Variants in HCK observed in about 807,000 individuals in gnomAD.
The protein encoded by HCK is tyrosine-protein kinase HCK.
A neutral mutation model predicts 70.4 loss-of-function variants in HCK; 40 were observed. The observed-to-expected ratio is 0.57, with a 90% CI of 0.44 to 0.74. HCK has a LOEUF of 0.74. HCK is among the 30% of genes least tolerant of loss of function. The pLI is 0.00. For missense variants in HCK, 568 were observed against 697.2 expected (o/e 0.81, Z 2.09); for synonymous variants, 245 against 263.2 (o/e 0.93, Z 0.67).
chr20:32,083,790 G>T, intron 6 of HCK, 104 bp from the exon 7 acceptor site: 1 of 1,383,156 alleles, frequency 7.2e-7, no homozygotes, highest in Non-Finnish European at 1.0e-6. Flanking sequence ...CTGCCCAGGT[G>T]TCAGGACGGT....
At chr20:32,075,861 T>C (rs2045616361) in intron 5 of HCK, among the ~76,000 whole-genome samples, 1 of 152,158 alleles carries the variant, frequency 6.6e-6, no homozygotes, top group African/African-American at 2.4e-5. Context: ...GATGACTACA[T>C]TGTGGGGTGG....
intron 1 of HCK, among the ~76,000 whole-genome samples, chr20:32,065,622 G>A (rs534305242): frequency 1.3e-5 from 2 of 152,188 alleles, no homozygotes; most frequent in Admixed American, 1.3e-4. Flanking sequence ...ATAGAAAGAG[G>A]GTGCTTTTTC....
At chr20:32,062,963 C>A (rs952555991) in intron 1 of HCK, among the ~76,000 whole-genome samples, 3 of 152,164 alleles carry the variant, frequency 2.0e-5, no homozygotes, top group South Asian at 2.1e-4. Flanking sequence ...GGGCCCCCAG[C>A]GGTCTGCCTT....
chr20:32,074,265 C>T (rs992406155), intron 4 of HCK, among the ~76,000 whole-genome samples: 1 of 152,200 alleles, frequency 6.6e-6, no homozygotes, highest in African/African-American at 2.4e-5. Context: ...CAAGCCCACT[C>T]TCCCCTATTC....
At chr20:32,062,299 G>C (rs6121331) in intron 1 of HCK, among the ~76,000 whole-genome samples, 19,605 of 152,090 alleles carry the variant, frequency 0.13, 1,487 homozygotes, top group Middle Eastern at 0.24. Context: ...TTCAAACCCA[G>C]CTCTATCTGA....
At chr20:32,083,584 A>G (rs2045736514) in intron 6 of HCK, among the ~76,000 whole-genome samples, 1 of 152,234 alleles carries the variant, frequency 6.6e-6, no homozygotes, top group Non-Finnish European at 1.5e-5. Context: ...GTTTACAGGC[A>G]TTACTTCTTT....
At chr20:32,094,859 A>G (rs2045933787) in intron 11 of HCK, among the ~76,000 whole-genome samples, 1 of 151,818 alleles carries the variant, frequency 6.6e-6, no homozygotes, top group Non-Finnish European at 1.5e-5. Flanking sequence ...GAAAAGAAAG[A>G]AAGAGGCACA....
intron 11 of HCK, 122 bp downstream of exon 11, chr20:32,094,138 C>A: frequency 3.3e-6 from 3 of 903,530 alleles, no homozygotes; most frequent in Non-Finnish European, 3.4e-6. Flanking sequence ...GCTGTGCATT[C>A]TTGAGCTTGG....
intron 10 of HCK, among the ~76,000 whole-genome samples, chr20:32,090,376 C>G (rs906037212): frequency 8.5e-5 from 13 of 152,372 alleles, no homozygotes; most frequent in African/African-American, 2.6e-4. Flanking sequence ...CCTCCAGACT[C>G]AGAGAGGCAG....
In HCK at chr20:32,069,564, T is replaced by C. The variant is rs982247749; in HGVS notation, c.63-2098T>C. The C allele has an allele frequency of 2.7e-5, 10 of 375,726 alleles. No homozygotes were observed. The Middle Eastern group carries it at 2.2e-3, about 82-fold the overall frequency. The allele number at this position is 375,726 out of a possible 1,614,324, so 23.3% of individuals were successfully genotyped here. ...AATACACATTTATCTCAAAGAGAGA[T>C]GCTGGTTTCAGTTTTAAATGCATGC... On this transcript the variant is annotated intron_variant, in intron 1 of 12. Coordinates refer to ENST00000375852, the MANE Select transcript of HCK (RefSeq NM_002110.5).
intron 6 of HCK, among the ~76,000 whole-genome samples, chr20:32,080,428 A>G (rs1600727530): frequency 1.3e-5 from 2 of 151,992 alleles, no homozygotes; most frequent in East Asian, 3.9e-4. Context: ...CGATCTCCTG[A>G]CCTTGCGATC....
chr20:32,097,194 C>T (rs548483710), intron 11 of HCK, among the ~76,000 whole-genome samples: 38 of 150,970 alleles, frequency 2.5e-4, no homozygotes, highest in African/African-American at 9.2e-4. Context: ...GCGGGAGAAT[C>T]GCTTGAGCCC....
At chr20:32,087,408 C>T (rs947135287) in intron 9 of HCK, among the ~76,000 whole-genome samples, 8 of 151,822 alleles carry the variant, frequency 5.3e-5, no homozygotes, top group African/African-American at 1.9e-4. Flanking sequence ...CACCCCAGCC[C>T]CCCGAGTGGC....
intron 1 of HCK, among the ~76,000 whole-genome samples, chr20:32,060,831 C>G (rs1017608040): frequency 6.6e-6 from 1 of 151,942 alleles, no homozygotes; most frequent in Non-Finnish European, 1.5e-5. Context: ...GGGAAGAAAC[C>G]AGGAGAGGAC....
intron 1 of HCK, among the ~76,000 whole-genome samples, chr20:32,062,778 G>C (rs2045399162): frequency 6.6e-6 from 1 of 152,204 alleles, no homozygotes; most frequent in Non-Finnish European, 1.5e-5. Context: ...CGGGGATAAA[G>C]ACAGTTCATT....
chr20:32,093,818 C>T lies in HCK; in HGVS notation c.1093-45C>T, dbSNP rs538401851. On this transcript the variant is annotated intron_variant, in intron 10 of 12. Transcript: ENST00000375852. ...CTGCTTTTGGGTGGGGCCATCTTGG[C>T]GTAGGCCAGGTCTGAGGACAAAGGT... The T allele has an allele frequency of 1.7e-5, 26 of 1,565,478 alleles. No individual in the cohort carries two copies. In the African/African-American group the frequency reaches 1.9e-4, roughly 12 times the overall value.
At chr20:32,056,863 TA>T (rs1368593161) in intron 1 of HCK, among the ~76,000 whole-genome samples, 2 of 152,180 alleles carry the variant, frequency 1.3e-5, no homozygotes, top group African/African-American at 4.8e-5. Flanking sequence ...TAAACCACTG[TA>T]TCTTCTAACA....
At position 32,094,787 on chromosome 20, in the gene HCK, GAGAAAGAAAGAAAGAAAGAAAGAAAGAA is replaced by G. The variant is rs71185378; in HGVS notation, c.1246+809_1246+836del. ...AAGGAAAGAAAGAAAGAGAGAGAAA[GAGAAAGAAAGAAAGAAAGAAAGAAAGAA>G]AGAAAGAAAGAAAGAAAGAAAGAAA... On this transcript the variant is annotated intron_variant, in intron 11 of 12. Coordinates refer to ENST00000375852, the MANE Select transcript of HCK (RefSeq NM_002110.5). Among the ~76,000 whole-genome samples the G allele has an allele frequency of 7.4e-3, 784 of 105,354 alleles. 9 individuals are homozygous for G. Among genetic ancestry groups the G allele is most frequent in the Middle Eastern group, 0.017 (4 of 230 alleles). 69.1% of individuals were successfully genotyped at this position (105,354 alleles called of 152,430 possible).
intron 6 of HCK, among the ~76,000 whole-genome samples, chr20:32,081,836 G>A (rs2045712911): frequency 6.6e-6 from 1 of 152,256 alleles, no homozygotes; most frequent in Non-Finnish European, 1.5e-5. Flanking sequence ...CAAGGGCAGA[G>A]AAATCAAAGA....
Sources: gnomAD v4.1 joint callset for allele counts (sites outside exome capture counted in the v4.1 genomes callset) on GRCh38, gnomAD v4.1.1 for gene constraint, MANE v1.5 for transcripts, NCBI Gene and HGNC (gene_info 2026-07-23, HGNC 2026-07-21) for gene names.